The following RANBP2 variants were observed in gnomAD, a reference collection of about 807,000 sequenced individuals.
RANBP2 encodes the protein E3 SUMO-protein ligase RanBP2.
In RANBP2, 57 loss-of-function variants were observed where a neutral mutation model predicts 303.6. That is an observed-to-expected ratio of 0.19 (90% CI 0.15 to 0.23). RANBP2 has a LOEUF of 0.23. Ranked by LOEUF, RANBP2 falls within the 10% of genes least tolerant of loss-of-function variation. RANBP2 has a pLI of 1.00. For synonymous variants in RANBP2, 1,167 were observed against 1,301.5 expected (o/e 0.90, Z 2.23); for missense variants, 3,138 against 3,780.8 (o/e 0.83, Z 4.46).
the RANBP2 span, among the ~76,000 whole-genome samples, chr2:109,559,909 GCCTTTTTTTT>G: frequency 8.7e-6 from 1 of 115,178 alleles, no homozygotes; most frequent in African/African-American, 3.8e-5. Flanking sequence ...TCCAACCAAT[GCCTTTTTTTT>G]TTTTTTTTTT....
the RANBP2 span, among the ~76,000 whole-genome samples, chr2:109,021,052 C>A: frequency 0.55 from 83,870 of 151,950 alleles, 23,974 homozygotes; most frequent in East Asian, 0.77. Context: ...CTTTCAAACT[C>A]ATTTTCCAGC....
At chr2:109,604,664 T>C in the RANBP2 span, among the ~76,000 whole-genome samples, 1 of 146,436 alleles carries the variant, frequency 6.8e-6, no homozygotes, top group Non-Finnish European at 1.5e-5. Context: ...GAGGCGGAGC[T>C]TACAGTGAGC....
At chr2:108,846,756 A>G in the RANBP2 span, 1 of 1,612,130 alleles carries the variant, frequency 6.2e-7, no homozygotes, top group South Asian at 1.1e-5. Flanking sequence ...TATGACATCA[A>G]CATTGAGGAG....
At chr2:109,713,461 C>G in the RANBP2 span, among the ~76,000 whole-genome samples, 1 of 152,188 alleles carries the variant, frequency 6.6e-6, no homozygotes, top group Non-Finnish European at 1.5e-5. Context: ...GAACGTGCCT[C>G]TGAGCTGAGT....
the RANBP2 span, among the ~76,000 whole-genome samples, chr2:109,442,985 T>A: frequency 7.9e-5 from 12 of 152,218 alleles, no homozygotes; most frequent in Non-Finnish European, 1.5e-5. Context: ...ATACTTCAAG[T>A]CTAAAGACAT....
the RANBP2 span, among the ~76,000 whole-genome samples, chr2:109,479,869 C>T: frequency 1.3e-5 from 2 of 152,124 alleles, no homozygotes; most frequent in Non-Finnish European, 2.9e-5. Context: ...AGCCTTCATA[C>T]GGCAGCACCT....
the RANBP2 span, among the ~76,000 whole-genome samples, chr2:109,156,345 C>G: frequency 2.0e-5 from 3 of 152,192 alleles, no homozygotes; most frequent in Non-Finnish European, 4.4e-5. Context: ...TGCTTTCTCT[C>G]CTAGATGGTG....
the RANBP2 span, among the ~76,000 whole-genome samples, chr2:108,829,411 A>T: frequency 6.6e-6 from 1 of 152,210 alleles, no homozygotes; most frequent in Admixed American, 6.5e-5. Context: ...CTCTAAGGAA[A>T]TACAAAACCA....
the RANBP2 span, among the ~76,000 whole-genome samples, chr2:108,970,160 G>A: frequency 3.3e-5 from 5 of 152,152 alleles, no homozygotes; most frequent in Non-Finnish European, 4.4e-5. Flanking sequence ...GGGGAGCATC[G>A]CCTGGGAGCT....
the RANBP2 span, among the ~76,000 whole-genome samples, chr2:109,750,646 C>T: frequency 2.4e-4 from 19 of 78,386 alleles, 1 homozygote; most frequent in South Asian, 6.1e-4. Flanking sequence ...TCAAGGACTT[C>T]GCATGGTAGC....
the RANBP2 span, among the ~76,000 whole-genome samples, chr2:109,327,692 G>A: frequency 6.6e-6 from 1 of 152,136 alleles, no homozygotes; most frequent in East Asian, 1.9e-4. Flanking sequence ...AAATGTACAT[G>A]TTTGGTTAAA....
the RANBP2 span, among the ~76,000 whole-genome samples, chr2:108,890,630 T>C: frequency 2.0e-5 from 3 of 152,230 alleles, no homozygotes; most frequent in South Asian, 2.1e-4. Flanking sequence ...ACAGCTGGAC[T>C]ATAATGTGTC....
chr2:109,638,481 A>AGGT, the RANBP2 span, among the ~76,000 whole-genome samples: 5 of 152,096 alleles, frequency 3.3e-5, no homozygotes, highest in East Asian at 9.7e-4. Flanking sequence ...TTTTTCCTGA[A>AGGT]GGTGAGCTCC....
the RANBP2 span, among the ~76,000 whole-genome samples, chr2:109,709,071 G>A: frequency 6.7e-6 from 1 of 150,182 alleles, no homozygotes; most frequent in African/African-American, 2.5e-5. Flanking sequence ...GGGAGGCCAA[G>A]GTGGGTGGAT....
chr2:109,371,748 C>T, the RANBP2 span: 9 of 1,385,036 alleles, frequency 6.5e-6, no homozygotes, highest in African/African-American at 2.8e-5. Context: ...ACAGTGGGGT[C>T]ACCTGACCTT....
the RANBP2 span, among the ~76,000 whole-genome samples, chr2:108,952,674 T>C: frequency 6.6e-6 from 1 of 152,260 alleles, no homozygotes. Flanking sequence ...AAAGTCTTAG[T>C]TAATTCCAAC....
At chr2:109,622,639 T>C in the RANBP2 span, among the ~76,000 whole-genome samples, 1 of 152,172 alleles carries the variant, frequency 6.6e-6, no homozygotes, top group South Asian at 2.1e-4. Flanking sequence ...GTAGTTATAT[T>C]TCTTTGTTTA....
At chr2:108,850,079 C>T in the RANBP2 span, among the ~76,000 whole-genome samples, 1 of 152,118 alleles carries the variant, frequency 6.6e-6, no homozygotes, top group Non-Finnish European at 1.5e-5. Flanking sequence ...AGATGGTCCT[C>T]GGAACTACTG....
the RANBP2 span, among the ~76,000 whole-genome samples, chr2:109,764,459 T>C: frequency 2.7e-5 from 4 of 149,058 alleles, no homozygotes. Context: ...TAACAAATAT[T>C]TATTGATCAT....
Sources: gnomAD v4.1 joint callset for allele counts (sites outside exome capture counted in the v4.1 genomes callset) on GRCh38, gnomAD v4.1.1 for gene constraint, MANE v1.5 for transcripts, NCBI Gene and HGNC (gene_info 2026-07-23, HGNC 2026-07-21) for gene names.